The following SBNO1 variants were observed in gnomAD, a reference collection of about 807,000 sequenced individuals.
SBNO1 encodes the protein protein strawberry notch homolog 1.
A neutral mutation model predicts 173.6 loss-of-function variants in SBNO1; 23 were observed. The observed-to-expected ratio is 0.13, with a 90% confidence interval of 0.10 to 0.19. The LOEUF (loss-of-function observed/expected upper bound fraction) is 0.19, where lower values mean the gene tolerates loss of function less well. Ranked by LOEUF, SBNO1 falls within the 10% of genes least tolerant of loss-of-function variation. SBNO1 has a pLI of 1.00. For synonymous variants in SBNO1, 632 were observed against 571.5 expected (o/e 1.11, Z -1.51); for missense variants, 1,238 against 1,671.2 (o/e 0.74, Z 4.52).
intron 24 of SBNO1, among the ~76,000 whole-genome samples, chr12:123,312,905 T>G (rs1453500320): frequency 6.6e-6 from 1 of 152,062 alleles, no homozygotes; most frequent in Non-Finnish European, 1.5e-5. Context: ...TTAAATTGAA[T>G]TTTAAAAGCT....
chr12:123,347,065 G>A (rs1341423930), intron 3 of SBNO1, among the ~76,000 whole-genome samples: 1 of 128,372 alleles, frequency 7.8e-6, no homozygotes, highest in Non-Finnish European at 1.7e-5. Flanking sequence ...GCGACAAAGC[G>A]AGTCTCCGTC....
intron 1 of SBNO1, among the ~76,000 whole-genome samples, chr12:123,362,939 T>A (rs1875547566): frequency 6.6e-6 from 1 of 150,682 alleles, no homozygotes; most frequent in South Asian, 2.1e-4. Context: ...AAAAAAAAAA[T>A]TAGCTGCTGT....
chr12:123,358,764 AAAAG>A (rs543591936), intron 1 of SBNO1, among the ~76,000 whole-genome samples: 886 of 37,272 alleles, frequency 0.024, 1 homozygote, highest in Non-Finnish European at 0.067. Flanking sequence ...AAAAAAAAAA[AAAAG>A]AAGAAGAAAA....
chr12:123,323,656 T>C, intron 16 of SBNO1, 24 bp downstream of exon 16: 2 of 1,571,184 alleles, frequency 1.3e-6, no homozygotes, highest in African/African-American at 1.4e-5. Flanking sequence ...ACCTGGCCTA[T>C]TTTTTCTTTT....
At chr12:123,307,020 T>TAAAAAAA (rs34105162) in intron 28 of SBNO1, among the ~76,000 whole-genome samples, 1 of 64,430 alleles carries the variant, frequency 1.6e-5, no homozygotes. Context: ...TCAACTGCAT[T>TAAAAAAA]AAAAAAAAAA....
At chr12:123,299,690 A>AAAC (rs2048720409) in intron 30 of SBNO1, among the ~76,000 whole-genome samples, 5 of 151,154 alleles carry the variant, frequency 3.3e-5, no homozygotes, top group Admixed American at 2.6e-4. Flanking sequence ...TCAAAAAAAA[A>AAAC]AAAAAAAAAC....
chr12:123,348,974 T>C (rs9300255), intron 2 of SBNO1: 38,911 of 144,614 alleles, frequency 0.27, 6,216 homozygotes, highest in African/African-American at 0.47. Context: ...AAAAAAAATT[T>C]TTTTTAGTCT....
intron 17 of SBNO1, 120 bp from the exon 18 acceptor site, chr12:123,320,986 C>T: frequency 1.2e-6 from 1 of 805,022 alleles, no homozygotes; most frequent in Admixed American, 3.1e-5. Flanking sequence ...GTAGCCCAGG[C>T]TGGAGTGCAA....
intron 15 of SBNO1, 79 bp from the exon 16 acceptor site, chr12:123,323,910 A>G: frequency 9.2e-7 from 1 of 1,092,096 alleles, no homozygotes; most frequent in Non-Finnish European, 1.2e-6. Context: ...ATATATTGAA[A>G]TATACTTTGT....
chr12:123,356,955 C>A (rs928565763), intron 1 of SBNO1, among the ~76,000 whole-genome samples: 1 of 152,138 alleles, frequency 6.6e-6, no homozygotes, highest in African/African-American at 2.4e-5. Context: ...ATTCGAGATT[C>A]AGCTTTATCT....
intron 1 of SBNO1, chr12:123,364,078 C>T (rs1469522014): frequency 1.0e-6 from 1 of 985,330 alleles, no homozygotes; most frequent in South Asian, 4.7e-5. Context: ...GCTCGCCCGC[C>T]GAGGCAGAAC....
rs577469905 is a variant in SBNO1 at position 123,343,015 on chromosome 12, G to A, written c.551-1927C>T. On this transcript the variant is annotated intron_variant, in intron 4 of 31. Transcript: ENST00000602398. ...CCAGAACTTTGGGAGGCCGAGGTGG[G>A]CTGATCACTTGAGGTCAGGAGTTCA... 3.9e-5 allele frequency among the ~76,000 whole-genome samples: 6 copies of A among 152,308 alleles called. No individual in the cohort carries two copies. The South Asian group carries it at 1.0e-3, about 26-fold the overall frequency.
intron 29 of SBNO1, among the ~76,000 whole-genome samples, chr12:123,303,859 A>G (rs2048850796): frequency 6.6e-6 from 1 of 151,896 alleles, no homozygotes; most frequent in Non-Finnish European, 1.5e-5. Context: ...AGAAAAAGAA[A>G]ATATAATTTC....
intron 30 of SBNO1, among the ~76,000 whole-genome samples, chr12:123,301,487 T>A (rs1392300054): frequency 6.6e-6 from 1 of 152,172 alleles, no homozygotes; most frequent in East Asian, 1.9e-4. Flanking sequence ...CATCTCATAT[T>A]CCTTTTCATG....
Position 123,290,869 on chromosome 12 carries a change from C to A in SBNO1, c.*5039G>T, listed in dbSNP as rs907669009. On this transcript the variant is annotated 3_prime_UTR_variant, in exon 32 of 32. Transcript: ENST00000602398. Reference sequence around the variant, plus strand: ...TCTCCTGCCTCAGCCTCCTGAGTAGCTGGGACTACAGGCACCCGCCACCAC... The same window carrying A: ...TCTCCTGCCTCAGCCTCCTGAGTAGATGGGACTACAGGCACCCGCCACCAC... The A allele has an allele frequency of 1.3e-5, 2 of 151,800 alleles. No homozygotes were observed. Among genetic ancestry groups the A allele is most frequent in the African/African-American group, 4.8e-5 (2 of 41,286 alleles). 9.4% of individuals were successfully genotyped at this position (151,800 alleles called of 1,614,324 possible). A position where few individuals can be genotyped will look rare whatever the true frequency, so the allele number is the denominator to read the frequency against.
Position 123,336,482 on chromosome 12 carries a change from C to T in SBNO1, c.661G>A (p.Val221Ile). 1 of 1,609,056 alleles carries T rather than the reference C, an allele frequency of 6.2e-7. No individual in the cohort carries two copies. ...RSFSPTMKVP[V>I]VKEDDEPEEE... ...TCTGGTTCATCATCTTCTTTTACAA[C>T]AGGAACCTTCTGCAACACAGAAAGA... Residue 221 changes from valine to isoleucine, a missense_variant, in exon 6 of 32, where the codon GTT becomes ATT. Val to Ile is a conservative substitution (Grantham distance 29). Around this residue, in one of 14 missense-constraint regions of SBNO1, gnomAD observed 287 missense variants for 274.1 expected, o/e 1.05. Coordinates refer to ENST00000602398, the MANE Select transcript of SBNO1 (RefSeq NM_001167856.3).
At chr12:123,351,195 T>C (rs1250413637) in intron 1 of SBNO1, among the ~76,000 whole-genome samples, 1 of 152,082 alleles carries the variant, frequency 6.6e-6, no homozygotes, top group African/African-American at 2.4e-5. Context: ...AACAGAAGTA[T>C]GGGGCTCAGG....
At chr12:123,302,511 T>A (rs1249258311) in intron 30 of SBNO1, among the ~76,000 whole-genome samples, 1 of 152,170 alleles carries the variant, frequency 6.6e-6, no homozygotes, top group Non-Finnish European at 1.5e-5. Context: ...CCCAAAGTGC[T>A]GGGATTACAG....
chr12:123,307,848 G>GATCACCT (rs2048957672), intron 28 of SBNO1, among the ~76,000 whole-genome samples: 1 of 152,210 alleles, frequency 6.6e-6, no homozygotes. Context: ...AAGGCAGGCG[G>GATCACCT]ATCACCTGAG....
Sources: gnomAD v4.1 joint callset for allele counts (sites outside exome capture counted in the v4.1 genomes callset) on GRCh38, gnomAD v4.1.1 for gene constraint, gnomAD v4.1.1 regional missense constraint, MANE v1.5 for transcripts, NCBI Gene and HGNC (gene_info 2026-07-23, HGNC 2026-07-21) for gene names.